CDH22: variants seen among roughly 807,000 people sequenced by gnomAD.
The protein encoded by CDH22 is cadherin-22.
Under a neutral mutation model 58.4 loss-of-function variants are expected in CDH22, and 30 were observed. The ratio of observed to expected loss-of-function variants is 0.51; its 90% CI spans 0.38 to 0.70. The LOEUF is 0.70. Ranked by LOEUF, CDH22 falls within the 30% of genes least tolerant of loss-of-function variation. The probability of loss-of-function intolerance (pLI) is 0.00; values close to 1 mark genes in which losing one functional copy is unlikely to be tolerated. For missense variants in CDH22, 1,014 were observed against 1,233.9 expected, an observed-to-expected ratio of 0.82 and a Z score of 2.67; for synonymous variants, 513 against 558.2, an observed-to-expected ratio of 0.92 and a Z score of 1.14.
At chr20:46,240,577 A>G (rs2086282214) in intron 3 of CDH22, among the ~76,000 whole-genome samples, 1 of 152,032 alleles carries the variant, frequency 6.6e-6, no homozygotes, top group African/African-American at 2.4e-5. Context: ...GACTGGATCT[A>G]TGAATGAGGT....
In CDH22 at chr20:46,178,004, G is replaced by A. The variant is rs34603854; in HGVS notation, c.1857C>T (p.Ala619=). Residue 619 remains alanine (A), a synonymous_variant, in exon 11 of 12, where the codon GCC becomes GCT. Coordinates refer to ENST00000537909, the MANE Select transcript of CDH22 (RefSeq NM_021248.3). ...TGAGGGCGCCGGGGCTGAGGGAGGC[G>A]GCCATGACAAAGGCCGTGGTGTTGC... ...QSCNTTAFVM[A]ASLSPGALIA... 0.11 allele frequency: 176,029 copies of A among 1,613,870 alleles called. 10,220 individuals carry two copies. Among genetic ancestry groups the A allele is most frequent in the Non-Finnish European group, 0.12 (143,149 of 1,179,890 alleles).
At position 46,210,610 on chromosome 20, in the gene CDH22, T is replaced by G. The variant is rs760888145; in HGVS notation, c.1033-50A>C. 1 of 1,396,824 alleles carries G rather than the reference T, an allele frequency of 7.2e-7. No individual in the cohort carries two copies. Among genetic ancestry groups the G allele is most frequent in the Non-Finnish European group, 9.4e-7 (1 of 1,068,578 alleles). 86.5% of individuals were successfully genotyped at this position (1,396,824 alleles called of 1,614,324 possible). ...TTAGTGGGTGGGGTCTGGTGGACAC[T>G]GAGGCCTTCACGAGGGAGGCCAAGG... On this transcript the variant is annotated intron_variant, in intron 6 of 11. Transcript: ENST00000537909. This position sits in a 1 kb window ranked among gnomAD's most constrained non-coding sequence, Gnocchi z 4.5.
chr20:46,199,825 A>G (rs1257455704), intron 7 of CDH22, among the ~76,000 whole-genome samples: 1 of 152,144 alleles, frequency 6.6e-6, no homozygotes, highest in Non-Finnish European at 1.5e-5. Flanking sequence ...TTGTACCTGC[A>G]GTTGTCGTGA....
At chr20:46,272,391 G>A (rs147092994) in intron 1 of CDH22, among the ~76,000 whole-genome samples, 2 of 152,322 alleles carry the variant, frequency 1.3e-5, no homozygotes, top group African/African-American at 4.8e-5. Flanking sequence ...GGAACTCCAA[G>A]GAGAAATCCA....
At chr20:46,294,379 C>T (rs2086619401) in intron 1 of CDH22, among the ~76,000 whole-genome samples, 1 of 152,190 alleles carries the variant, frequency 6.6e-6, no homozygotes, top group South Asian at 2.1e-4. Flanking sequence ...CTCTTTCTTC[C>T]TCCTGCCCCA....
intron 3 of CDH22, among the ~76,000 whole-genome samples, chr20:46,239,090 C>G (rs947685841): frequency 1.1e-4 from 16 of 152,216 alleles, no homozygotes; most frequent in African/African-American, 3.1e-4. Context: ...TTCAGAGAAG[C>G]CTTACTGGAC....
At position 46,210,613 on chromosome 20, in the gene CDH22, G is replaced by A. The variant is rs2086036492; in HGVS notation, c.1033-53C>T. Reference sequence around the variant, plus strand: ...GTGGGTGGGGTCTGGTGGACACTGAGGCCTTCACGAGGGAGGCCAAGGCAG... The same window carrying A: ...GTGGGTGGGGTCTGGTGGACACTGAAGCCTTCACGAGGGAGGCCAAGGCAG... On this transcript the variant is annotated intron_variant, in intron 6 of 11. Coordinates refer to ENST00000537909, the MANE Select transcript of CDH22 (RefSeq NM_021248.3). This position sits in a 1 kb window ranked among gnomAD's most constrained non-coding sequence, Gnocchi z 4.5. The A allele has an allele frequency of 2.9e-6, 4 of 1,396,030 alleles. No homozygotes were observed. The highest frequency in any genetic ancestry group is 2.8e-5 in the East Asian group (1 of 35,838). 86.5% of individuals were successfully genotyped at this position (1,396,030 alleles called of 1,614,324 possible). A position where few individuals can be genotyped will look rare whatever the true frequency, so the allele number is the denominator to read the frequency against.
intron 1 of CDH22, among the ~76,000 whole-genome samples, chr20:46,293,527 C>T (rs1381990600): frequency 6.6e-6 from 1 of 152,016 alleles, no homozygotes; most frequent in East Asian, 1.9e-4. Flanking sequence ...CTTTGGAATT[C>T]CCTCCCTCTA....
chr20:46,278,724 C>T (rs1480758091), intron 1 of CDH22, among the ~76,000 whole-genome samples: 1 of 152,244 alleles, frequency 6.6e-6, no homozygotes, highest in Non-Finnish European at 1.5e-5. Flanking sequence ...ACTAGGACTA[C>T]AAGTGCGTGC....
intron 1 of CDH22, among the ~76,000 whole-genome samples, chr20:46,264,263 C>G (rs892475003): frequency 2.6e-5 from 4 of 152,142 alleles, no homozygotes; most frequent in Non-Finnish European, 5.9e-5. Flanking sequence ...GGCAAAGGGA[C>G]ACAGTGGAAT....
At chr20:46,258,903 T>A (rs1032074961) in intron 1 of CDH22, among the ~76,000 whole-genome samples, 1 of 152,194 alleles carries the variant, frequency 6.6e-6, no homozygotes. Flanking sequence ...GTCCAGGAGA[T>A]CCCTGTGGTA....
At chr20:46,248,422 G>C (rs1427843184) in intron 2 of CDH22, among the ~76,000 whole-genome samples, 1 of 152,170 alleles carries the variant, frequency 6.6e-6, no homozygotes. Context: ...CTGTCTCCAG[G>C]GTTTTCCTGG....
chr20:46,307,282 C>T (rs964285985), intron 1 of CDH22, among the ~76,000 whole-genome samples: 1 of 152,230 alleles, frequency 6.6e-6, no homozygotes, highest in African/African-American at 2.4e-5. Context: ...TCAGCCCTAC[C>T]CTCTGCAGCC....
intron 1 of CDH22, among the ~76,000 whole-genome samples, chr20:46,273,888 G>A (rs1799078532): frequency 6.6e-6 from 1 of 152,244 alleles, no homozygotes; most frequent in Non-Finnish European, 1.5e-5. Flanking sequence ...GGCCAAGGAA[G>A]GCCCCAGGGC....
chr20:46,232,627 A>C (rs1173359646), intron 3 of CDH22, among the ~76,000 whole-genome samples: 4 of 152,208 alleles, frequency 2.6e-5, no homozygotes, highest in Non-Finnish European at 4.4e-5. Flanking sequence ...AACATTTATA[A>C]AAAATGAGTC....
At chr20:46,269,201 A>T (rs144515695) in intron 1 of CDH22, among the ~76,000 whole-genome samples, 1 of 152,246 alleles carries the variant, frequency 6.6e-6, no homozygotes, top group East Asian at 1.9e-4. Context: ...CTTGCTGCTC[A>T]GTGTCCCGCT....
chr20:46,228,442 G>A (rs2086196394), intron 3 of CDH22, among the ~76,000 whole-genome samples: 1 of 152,122 alleles, frequency 6.6e-6, no homozygotes, highest in South Asian at 2.1e-4. Context: ...GATTTTTGAC[G>A]CTGCCTCATT....
At chr20:46,287,045 A>C (rs2086579773) in intron 1 of CDH22, among the ~76,000 whole-genome samples, 1 of 152,130 alleles carries the variant, frequency 6.6e-6, no homozygotes, top group South Asian at 2.1e-4. Flanking sequence ...GAGGGGATGA[A>C]GCTGTGAACA....
intron 1 of CDH22, among the ~76,000 whole-genome samples, chr20:46,303,398 G>C (rs1238375662): frequency 6.6e-6 from 1 of 152,170 alleles, no homozygotes; most frequent in East Asian, 1.9e-4. Context: ...CCCACTGGCT[G>C]TCACAGTTAT....
Sources: gnomAD v4.1 joint callset for allele counts (sites outside exome capture counted in the v4.1 genomes callset) on GRCh38, gnomAD v4.1.1 for gene constraint, Gnocchi (gnomAD v3.1) non-coding constraint, MANE v1.5 for transcripts, NCBI Gene and HGNC (gene_info 2026-07-23, HGNC 2026-07-21) for gene names.